The following DNAI3 variants were observed in gnomAD, a reference collection of about 807,000 sequenced individuals.
DNAI3 encodes WD repeat domain 63.
A neutral mutation model predicts 115.5 loss-of-function variants in DNAI3; 83 were observed. The ratio of observed to expected loss-of-function variants is 0.72; its 90% confidence interval spans 0.60 to 0.86. The LOEUF (loss-of-function observed/expected upper bound fraction) is 0.86. Among genes scored for constraint, DNAI3 ranks in the 40% least tolerant of loss-of-function variants. The pLI is 0.00. For synonymous variants in DNAI3, 320 were observed against 347.0 expected, an observed-to-expected ratio of 0.92 and a Z score of 0.86; for missense variants, 1,004 against 1,075.8, an observed-to-expected ratio of 0.93 and a Z score of 0.93.
chr1:85,129,992 G>A lies in DNAI3; in HGVS notation c.2412G>A (p.Met804Ile), dbSNP rs572741302. The A allele has an allele frequency of 5.0e-6, 8 of 1,611,600 alleles. No individual in the cohort carries two copies. The highest frequency in any genetic ancestry group is 5.9e-6 in the Non-Finnish European group (7 of 1,179,168). ...WTLSRPSTNE[M>I]ASVNHYFERE... ...TCATGGACTTCTGTTTCTAACAGAT[G>A]GCAAGTGTCAACCACTATTTTGAAA... Residue 804 changes from methionine to isoleucine, a missense_variant and splice_region_variant, in exon 22 of 23, where the codon ATG (methionine) becomes ATA (isoleucine). Transcript: ENST00000294664.
chr1:85,065,036 T>TTAAA (rs1023546243), intron 1 of DNAI3, among the ~76,000 whole-genome samples: 1 of 152,096 alleles, frequency 6.6e-6, no homozygotes, highest in East Asian at 1.9e-4. Flanking sequence ...CTGTCTCAAT[T>TTAAA]TAAATAAATA....
intron 3 of DNAI3, among the ~76,000 whole-genome samples, chr1:85,079,317 T>A (rs1034156046): frequency 6.6e-6 from 1 of 152,266 alleles, no homozygotes; most frequent in East Asian, 1.9e-4. Flanking sequence ...GAATTCCCAA[T>A]GTTATGCCAA....
At chr1:85,082,722 G>T (rs1419250346) in intron 5 of DNAI3, among the ~76,000 whole-genome samples, 1 of 152,200 alleles carries the variant, frequency 6.6e-6, no homozygotes, top group Admixed American at 6.5e-5. Context: ...CCTATACATA[G>T]TGATGATTAT....
At chr1:85,126,855 T>C in intron 20 of DNAI3, 140 bp downstream of exon 20, 1 of 798,512 alleles carries the variant, frequency 1.3e-6, no homozygotes. Context: ...CCTTCCCTTC[T>C]CTTCCTTTCC....
rs775345447 is a variant in DNAI3, at chr1:85,126,676, A to G, written c.2278A>G (p.Ile760Val). The stretch of plus-strand genomic sequence containing the variant: ...ACCAGCCCAGTCTCAAAACATTTGC[A>G]TAACTATGATCACCTACATCAAACC... ...HEPAQSQNICITMITYIKPWI... is the reference protein window; with the variant it reads ...HEPAQSQNICVTMITYIKPWI... The change falls in exon 20 of 23, where the codon ATA (isoleucine) becomes GTA (valine). Residue 760 changes from isoleucine to valine, a missense_variant. Physicochemically the swap from Ile to Val is conservative, Grantham distance 29. This residue lies in a region of DNAI3 where 429 missense variants were observed against 454.3 expected (regional missense o/e 0.94). Coordinates refer to ENST00000294664, the MANE Select transcript of DNAI3 (RefSeq NM_145172.5). 6.2e-7 allele frequency: 1 copy of G among 1,614,184 alleles called. No homozygotes were observed. Among genetic ancestry groups the G allele is most frequent in the Non-Finnish European group, 8.5e-7 (1 of 1,180,022 alleles).
chr1:85,087,420 G>A (rs1168342670), intron 7 of DNAI3, among the ~76,000 whole-genome samples: 12 of 115,998 alleles, frequency 1.0e-4, no homozygotes, highest in African/African-American at 3.8e-4. Context: ...TGGTGATAGA[G>A]CTAGACTCCA....
intron 13 of DNAI3, chr1:85,099,229 A>G (rs1179485229): frequency 2.9e-5 from 29 of 985,062 alleles, no homozygotes; most frequent in Non-Finnish European, 3.5e-5. Flanking sequence ...CAAGTTCCCC[A>G]CATGTTTTCC....
At chr1:85,073,259 A>T (rs1012258487) in intron 3 of DNAI3, among the ~76,000 whole-genome samples, 167 bp downstream of exon 3, 2 of 152,128 alleles carry the variant, frequency 1.3e-5, no homozygotes, top group African/African-American at 4.8e-5. Context: ...TAAAAGAAAA[A>T]ATAGAAGTAG....
At chr1:85,086,131 A>G in intron 7 of DNAI3, 101 bp downstream of exon 7, 1 of 1,056,944 alleles carries the variant, frequency 9.5e-7, no homozygotes, top group East Asian at 2.5e-5. Context: ...ATAGAAATGG[A>G]TTAATGATGA....
chr1:85,085,358 A>G (rs139795515), intron 6 of DNAI3, among the ~76,000 whole-genome samples: 100 of 152,260 alleles, frequency 6.6e-4, no homozygotes, highest in African/African-American at 2.3e-3. Context: ...GTGAGGGGGA[A>G]TTGTGTATGA....
At chr1:85,130,191 T>C in intron 22 of DNAI3, 79 bp downstream of exon 22, 1 of 1,574,590 alleles carries the variant, frequency 6.4e-7, no homozygotes, top group Non-Finnish European at 8.6e-7. Context: ...ATCCACAGTT[T>C]CCATAGAAAA....
chr1:85,075,874 A>T (rs1046774844), intron 3 of DNAI3, among the ~76,000 whole-genome samples: 1 of 152,248 alleles, frequency 6.6e-6, no homozygotes, highest in Non-Finnish European at 1.5e-5. Context: ...TACCCAAATT[A>T]TAATACGAGT....
rs569251030 is a variant in DNAI3, at chr1:85,110,054, C to T, written c.1705C>T (p.Leu569=). ...CTATATGTTCTCCCAAAAGGTAAGG[C>T]TGTCCAAGGGTGAAACAAGTTTAGA... is the stretch of plus-strand genomic sequence containing the variant. ...LSWKPLTKVR[L]SKGETSLDHC... Residue 569 remains leucine, a synonymous_variant, in exon 16 of 23, where the codon CTG becomes TTG. Coordinates refer to ENST00000294664, the MANE Select transcript of DNAI3 (RefSeq NM_145172.5). 6.2e-7 allele frequency: 1 copy of T among 1,612,896 alleles called. No homozygotes were observed. Among genetic ancestry groups the T allele is most frequent in the African/African-American group, 1.3e-5 (1 of 74,922 alleles).
intron 1 of DNAI3, among the ~76,000 whole-genome samples, chr1:85,071,307 A>T (rs1654264711): frequency 6.6e-6 from 1 of 152,222 alleles, no homozygotes; most frequent in Non-Finnish European, 1.5e-5. Context: ...GGCGGAGATG[A>T]CAAGGATTTG....
chr1:85,082,396 T>C lies in DNAI3; in HGVS notation c.382T>C (p.Tyr128His), dbSNP rs764166475. 55 of 1,611,422 alleles carry C rather than the reference T, an allele frequency of 3.4e-5. No individual in the cohort carries two copies. The highest frequency in any genetic ancestry group is 4.6e-5 in the Non-Finnish European group (54 of 1,177,856). The change falls in exon 5 of 23, where the codon TAT becomes CAT. Residue 128 changes from tyrosine to histidine, a missense_variant. Coordinates refer to ENST00000294664, the MANE Select transcript of DNAI3 (RefSeq NM_145172.5). ...LIATEEGKEN[Y>H]LNPPEVPEEQ... ...TGCAACTGAAGAGGGCAAAGAAAAC[T>C]ATTTAAATGTGAGCAAACCCCAAGC... is the stretch of plus-strand genomic sequence containing the variant.
chr1:85,084,614 A>G lies in DNAI3; in HGVS notation c.459A>G (p.Lys153=). Residue 153 remains lysine (K), a synonymous_variant, in exon 6 of 23, where the codon AAA becomes AAG. Transcript: ENST00000294664. ...EHIPEDVYIY[K]PPVSKPWVSL... ...TTCCTGAAGATGTGTATATTTATAA[A>G]CCACCTGTCTCTAAACCATGGGTTT... The G allele has an allele frequency of 6.3e-7, 1 of 1,579,772 alleles. No individual in the cohort carries two copies. The highest frequency in any genetic ancestry group is 8.6e-7 in the Non-Finnish European group (1 of 1,164,454).
intron 3 of DNAI3, among the ~76,000 whole-genome samples, chr1:85,073,617 T>C (rs1294158546): frequency 6.6e-6 from 1 of 152,156 alleles, no homozygotes; most frequent in East Asian, 1.9e-4. Context: ...GATGACACGC[T>C]TCACTTTTAG....
chr1:85,108,010 A>C (rs1341878535), intron 14 of DNAI3, 23 bp from the exon 15 acceptor site: 6 of 1,426,186 alleles, frequency 4.2e-6, no homozygotes, highest in Non-Finnish European at 5.5e-6. Flanking sequence ...ACTTAATAAA[A>C]AATATATATA....
intron 11 of DNAI3, among the ~76,000 whole-genome samples, chr1:85,096,897 A>G (rs1655141261): frequency 6.6e-6 from 1 of 152,136 alleles, no homozygotes; most frequent in Admixed American, 6.5e-5. Flanking sequence ...AAATCCCGAA[A>G]TGCCTTTTTC....
Sources: allele counts gnomAD v4.1 joint callset (sites outside exome capture counted in the v4.1 genomes callset), GRCh38; gene constraint gnomAD v4.1.1; regional missense constraint gnomAD v4.1.1; transcripts MANE v1.5; gene names NCBI Gene and HGNC (gene_info 2026-07-23, HGNC 2026-07-21).